MTMR3: variants seen among roughly 807,000 people sequenced by gnomAD.
MTMR3 encodes the protein phosphatidylinositol-3,5-bisphosphate 3-phosphatase MTMR3.
Under a neutral mutation model 132.4 loss-of-function variants are expected in MTMR3, and 32 were observed. The observed-to-expected ratio is 0.24, with a 90% CI of 0.18 to 0.32. The LOEUF (loss-of-function observed/expected upper bound fraction) is 0.32, where lower values mean the gene tolerates loss of function less well. Among genes scored for constraint, MTMR3 ranks in the 10% least tolerant of loss-of-function variants. The pLI is 1.00. For synonymous variants in MTMR3, 556 were observed against 550.3 expected (o/e 1.01, Z -0.14); for missense variants, 1,216 against 1,489.6 (o/e 0.82, Z 3.02).
At chr22:29,974,479 G>T (rs915962709) in intron 3 of MTMR3, among the ~76,000 whole-genome samples, 3 of 152,262 alleles carry the variant, frequency 2.0e-5, no homozygotes, top group East Asian at 3.9e-4. Flanking sequence ...CTTTTAAAAA[G>T]AACATTTGTT....
chr22:29,961,430 T>C (rs2066309413), intron 2 of MTMR3, among the ~76,000 whole-genome samples: 1 of 152,110 alleles, frequency 6.6e-6, no homozygotes, highest in Admixed American at 6.5e-5. Context: ...GTTATATTAA[T>C]TAAAGAATAT....
chr22:29,980,991 G>C (rs1231338390), intron 5 of MTMR3: 1 of 152,160 alleles, frequency 6.6e-6, no homozygotes, highest in Non-Finnish European at 1.5e-5. Flanking sequence ...TCACACCTCT[G>C]TGTTCTCTTT....
intron 9 of MTMR3, chr22:30,003,339 C>T (rs5763692): frequency 5.9e-6 from 1 of 169,862 alleles, no homozygotes; most frequent in African/African-American, 2.4e-5. Flanking sequence ...AGAGATGAGT[C>T]TTAGAAAGTG....
chr22:29,934,661 C>T (rs181140987), intron 1 of MTMR3, among the ~76,000 whole-genome samples: 160 of 152,244 alleles, frequency 1.1e-3, no homozygotes, highest in Middle Eastern at 6.8e-3. Flanking sequence ...GCAGGTTGAT[C>T]TTGTCCCATT....
intron 1 of MTMR3, among the ~76,000 whole-genome samples, chr22:29,910,047 C>T (rs915854270): frequency 2.6e-5 from 4 of 152,018 alleles, no homozygotes; most frequent in Non-Finnish European, 4.4e-5. Flanking sequence ...GTCCCCACTA[C>T]TCGCTACTCG....
At chr22:29,909,666 C>T (rs2145743764) in intron 1 of MTMR3, among the ~76,000 whole-genome samples, 1 of 152,284 alleles carries the variant, frequency 6.6e-6, no homozygotes, top group East Asian at 1.9e-4. Flanking sequence ...CTTCTCCCCT[C>T]CATTAATTGT....
intron 1 of MTMR3, among the ~76,000 whole-genome samples, chr22:29,884,007 G>A (rs2064611059): frequency 6.6e-6 from 1 of 152,202 alleles, no homozygotes; most frequent in Non-Finnish European, 1.5e-5. Context: ...AATTTTGCTT[G>A]ATGTATGGCA....
chr22:29,973,152 GT>G (rs2066568440), intron 3 of MTMR3, among the ~76,000 whole-genome samples: 1 of 152,056 alleles, frequency 6.6e-6, no homozygotes, highest in South Asian at 2.1e-4. Context: ...CATTCTTTTT[GT>G]TTTTAACTGT....
intron 19 of MTMR3, 54 bp downstream of exon 19, chr22:30,022,751 C>T: frequency 6.8e-7 from 1 of 1,463,450 alleles, no homozygotes; most frequent in East Asian, 2.3e-5. Context: ...TGAGGGTCGG[C>T]CCACAGAGCC....
At chr22:29,985,991 C>T (rs1006356095) in intron 5 of MTMR3, 1 of 152,142 alleles carries the variant, frequency 6.6e-6, no homozygotes, top group Non-Finnish European at 1.5e-5. Flanking sequence ...CCATTTCCCC[C>T]AGCAGCTGCT....
chr22:29,979,154 AAAGC>A, intron 5 of MTMR3, 102 bp downstream of exon 5: 3 of 808,312 alleles, frequency 3.7e-6, no homozygotes, highest in Non-Finnish European at 6.3e-6. Context: ...ATTGGGAGAG[AAAGC>A]ATTATGTGCT....
At chr22:29,938,703 A>G (rs764429991) in intron 1 of MTMR3, among the ~76,000 whole-genome samples, 3 of 152,222 alleles carry the variant, frequency 2.0e-5, no homozygotes, top group Non-Finnish European at 1.5e-5. Context: ...TCATTAGAGT[A>G]AAGGTATATG....
At chr22:29,939,348 T>C (rs183055290) in intron 1 of MTMR3, among the ~76,000 whole-genome samples, 5 of 152,302 alleles carry the variant, frequency 3.3e-5, no homozygotes, top group Admixed American at 3.3e-4. Flanking sequence ...AAAGGGACTT[T>C]GTTGGAGCTG....
chr22:29,966,064 T>G (rs1329649131), intron 2 of MTMR3, among the ~76,000 whole-genome samples: 1 of 152,214 alleles, frequency 6.6e-6, no homozygotes, highest in African/African-American at 2.4e-5. Context: ...GAAAATAGTT[T>G]AATAAATCTC....
intron 1 of MTMR3, among the ~76,000 whole-genome samples, chr22:29,909,427 A>G (rs2065164677): frequency 6.6e-6 from 1 of 152,028 alleles, no homozygotes; most frequent in African/African-American, 2.4e-5. Flanking sequence ...GTTCCTACTT[A>G]ATTTCTTATA....
rs1248204616 is a variant in MTMR3, at chr22:30,022,661, G to A, written c.3389G>A (p.Ser1130Asn). The A allele has an allele frequency of 6.2e-7, 1 of 1,611,590 alleles. No individual in the cohort carries two copies. Among genetic ancestry groups the A allele is most frequent in the Non-Finnish European group, 8.5e-7 (1 of 1,179,970 alleles). Reference sequence around the variant, plus strand: ...GCCGCCCACTGCTATGCGTGCGACAGTGCCTTCTGGCTTGCCAGCAGGAAG... The same window carrying A: ...GCCGCCCACTGCTATGCGTGCGACAATGCCTTCTGGCTTGCCAGCAGGAAG... ...HLAAHCYACD[S>N]AFWLASRKHH... is the part of the protein sequence containing the mutation. Residue 1130 changes from serine to asparagine, a missense_variant, in exon 19 of 20, where the codon AGT (serine) becomes AAT (asparagine). Physicochemically the swap from Ser to Asn is conservative, Grantham distance 46. Around this residue, in one of 7 missense-constraint regions of MTMR3, gnomAD observed 852 missense variants for 852.0 expected, o/e 1.00. Coordinates refer to ENST00000401950, the MANE Select transcript of MTMR3 (RefSeq NM_021090.4).
chr22:29,930,787 G>A (rs2065626312), intron 1 of MTMR3, among the ~76,000 whole-genome samples: 1 of 152,128 alleles, frequency 6.6e-6, no homozygotes, highest in Admixed American at 6.5e-5. Flanking sequence ...GATTGCTTGA[G>A]CCCAGGAGTT....
intron 1 of MTMR3, among the ~76,000 whole-genome samples, chr22:29,919,574 G>A (rs1047349702): frequency 5.9e-5 from 9 of 152,136 alleles, no homozygotes; most frequent in African/African-American, 2.2e-4. Context: ...CCAGGATGGA[G>A]TGCAGTCATG....
chr22:29,989,368 A>G (rs1412247228), intron 6 of MTMR3: 1 of 152,424 alleles, frequency 6.6e-6, no homozygotes, highest in African/African-American at 2.4e-5. Flanking sequence ...AGCTGGGGTT[A>G]CAGGTGTGTG....
Sources: gnomAD v4.1 joint callset for allele counts (sites outside exome capture counted in the v4.1 genomes callset) on GRCh38, gnomAD v4.1.1 for gene constraint, gnomAD v4.1.1 regional missense constraint, MANE v1.5 for transcripts, NCBI Gene and HGNC (gene_info 2026-07-23, HGNC 2026-07-21) for gene names.